Variants in LRRC7 observed in about 807,000 individuals in gnomAD.
The protein encoded by LRRC7 is leucine rich repeat containing 7.
Under a neutral mutation model 175.7 loss-of-function variants are expected in LRRC7, and 23 were observed. That is an observed-to-expected ratio of 0.13 (90% CI 0.09 to 0.19). LRRC7 has a LOEUF of 0.19. Ranked by LOEUF, LRRC7 falls within the 10% of genes least tolerant of loss-of-function variation. The probability of loss-of-function intolerance (pLI) is 1.00; values close to 1 mark genes in which losing one functional copy is unlikely to be tolerated. For missense variants in LRRC7, 1,354 were observed against 1,904.7 expected, an observed-to-expected ratio of 0.71 and a Z score of 5.38; for synonymous variants, 685 against 680.9, an observed-to-expected ratio of 1.01 and a Z score of -0.09.
At chr1:69,568,702 G>C (rs923895318) in intron 1 of LRRC7, 61 bp downstream of exon 1, 3 of 484,670 alleles carry the variant, frequency 6.2e-6, no homozygotes, top group African/African-American at 2.8e-5. Context: ...CGCGGCGACC[G>C]TAGGCGCGCG....
intron 20 of LRRC7, among the ~76,000 whole-genome samples, 193 bp downstream of exon 20, chr1:70,036,817 G>T (rs1054634091): frequency 6.6e-6 from 1 of 152,052 alleles, no homozygotes; most frequent in Non-Finnish European, 1.5e-5. Context: ...AGAGGCCATT[G>T]GTTAAGGAAG....
rs529747485 is a variant in LRRC7, at chr1:70,128,533, C to T, written c.*6646C>T. ...TCATAGCAAACTCTTGTACTTCCTC[C>T]ACAGGAAAACATTTACTGTAGCTGA... On this transcript the variant is annotated 3_prime_UTR_variant, in exon 27 of 27. Coordinates refer to ENST00000651989, the MANE Select transcript of LRRC7 (RefSeq NM_001370785.2). 104 of 152,234 alleles carry T rather than the reference C, an allele frequency of 6.8e-4. No homozygotes were observed. Among genetic ancestry groups the T allele is most frequent in the Non-Finnish European group, 1.3e-3 (88 of 68,012 alleles). 9.4% of individuals were successfully genotyped at this position (152,234 alleles called of 1,614,324 possible). A position where few individuals can be genotyped will look rare whatever the true frequency, so the allele number is the denominator to read the frequency against.
At position 69,860,159 on chromosome 1, in the gene LRRC7, T is replaced by C. The variant is rs781209043; in HGVS notation, c.647+21876T>C. ...TTAAATGTTTAAAATAGCTGAAATATATTCTTTGTTGAATTCTATTTTCCT... is the reference window on the plus strand; with the variant it reads ...TTAAATGTTTAAAATAGCTGAAATACATTCTTTGTTGAATTCTATTTTCCT... On this transcript the variant is annotated intron_variant, in intron 7 of 26. Transcript: ENST00000651989. 3.1e-4 allele frequency among the ~76,000 whole-genome samples: 47 copies of C among 152,180 alleles called. No individual in the cohort carries two copies. In the Middle Eastern group the frequency reaches 0.017, roughly 55 times the overall value.
intron 4 of LRRC7, among the ~76,000 whole-genome samples, chr1:69,807,791 C>T (rs564415231): frequency 2.6e-5 from 4 of 151,972 alleles, no homozygotes; most frequent in East Asian, 2.0e-4. Context: ...TTGCTCTTCT[C>T]GAGGAGTATC....
At chr1:69,960,630 A>G (rs1217622275) in intron 8 of LRRC7, among the ~76,000 whole-genome samples, 7 of 151,706 alleles carry the variant, frequency 4.6e-5, no homozygotes, top group African/African-American at 1.7e-4. Flanking sequence ...AGTGCTATAA[A>G]TTACCCTTTT....
intron 1 of LRRC7, among the ~76,000 whole-genome samples, chr1:69,642,663 A>T (rs1326562279): frequency 1.3e-5 from 2 of 152,074 alleles, no homozygotes; most frequent in Non-Finnish European, 2.9e-5. Context: ...AAATCATGCC[A>T]GTTAAAAAGA....
intron 3 of LRRC7, among the ~76,000 whole-genome samples, chr1:69,771,396 G>A (rs1350105626): frequency 6.6e-6 from 1 of 152,048 alleles, no homozygotes; most frequent in African/African-American, 2.4e-5. Context: ...TTAATTATGT[G>A]AGTCAATGAG....
At chr1:69,839,460 A>G (rs1469566830) in intron 7 of LRRC7, among the ~76,000 whole-genome samples, 1 of 152,108 alleles carries the variant, frequency 6.6e-6, no homozygotes, top group Admixed American at 6.6e-5. Flanking sequence ...GCCTAACCCA[A>G]GGAACCCCTC....
intron 7 of LRRC7, among the ~76,000 whole-genome samples, chr1:69,840,841 G>C (rs1389638317): frequency 4.0e-5 from 6 of 151,884 alleles, no homozygotes; most frequent in Non-Finnish European, 1.5e-5. Flanking sequence ...TTGCCAAAAG[G>C]AAAAAATGTT....
intron 7 of LRRC7, among the ~76,000 whole-genome samples, 177 bp from the exon 8 acceptor site, chr1:69,931,330 T>C (rs1647352127): frequency 6.6e-6 from 1 of 152,196 alleles, no homozygotes; most frequent in Admixed American, 6.5e-5. Flanking sequence ...TGCTGTAGCT[T>C]TTCAGCTGGC....
At chr1:69,614,126 T>C (rs1406723325) in intron 1 of LRRC7, among the ~76,000 whole-genome samples, 4 of 152,068 alleles carry the variant, frequency 2.6e-5, no homozygotes, top group Non-Finnish European at 5.9e-5. Flanking sequence ...TCATTTCATG[T>C]TCATTAAGAA....
chr1:69,817,767 G>C (rs1443866493), intron 4 of LRRC7, among the ~76,000 whole-genome samples: 1 of 152,028 alleles, frequency 6.6e-6, no homozygotes, highest in African/African-American at 2.4e-5. Flanking sequence ...GTGAATACAT[G>C]ATATCTTCTC....
At chr1:69,869,720 T>C (rs1282408058) in intron 7 of LRRC7, among the ~76,000 whole-genome samples, 2 of 152,076 alleles carry the variant, frequency 1.3e-5, no homozygotes, top group Non-Finnish European at 2.9e-5. Context: ...GGAAAGGCAC[T>C]TATCATAGAG....
intron 1 of LRRC7, among the ~76,000 whole-genome samples, chr1:69,597,318 A>T (rs376643819): frequency 6.6e-6 from 1 of 152,094 alleles, no homozygotes. Flanking sequence ...GGGTTATTCA[A>T]TTTTGCTGAA....
At chr1:69,837,891 G>A (rs899195779) in intron 6 of LRRC7, among the ~76,000 whole-genome samples, 2 of 151,262 alleles carry the variant, frequency 1.3e-5, no homozygotes, top group African/African-American at 4.8e-5. Flanking sequence ...TGTTTGAATA[G>A]TGATAATGAT....
At chr1:70,064,685 AG>A (rs2102095058) in intron 23 of LRRC7, among the ~76,000 whole-genome samples, 1 of 151,580 alleles carries the variant, frequency 6.6e-6, no homozygotes, top group South Asian at 2.1e-4. Flanking sequence ...TTTTCAAAAG[AG>A]AGAAACTCAT....
intron 13 of LRRC7, among the ~76,000 whole-genome samples, chr1:70,016,223 A>G (rs996848246): frequency 2.0e-5 from 3 of 152,314 alleles, no homozygotes; most frequent in African/African-American, 7.2e-5. Flanking sequence ...TTTAGGGGCC[A>G]GACCTTTTAA....
At chr1:69,699,765 G>T (rs572332628) in intron 2 of LRRC7, among the ~76,000 whole-genome samples, 1 of 152,162 alleles carries the variant, frequency 6.6e-6, no homozygotes, top group East Asian at 1.9e-4. Flanking sequence ...ACTTCTGATG[G>T]ACAGGAAAAC....
chr1:69,962,174 G>A (rs1334975785), intron 8 of LRRC7, among the ~76,000 whole-genome samples: 2 of 152,018 alleles, frequency 1.3e-5, no homozygotes, highest in Non-Finnish European at 2.9e-5. Flanking sequence ...CAAAGGACAC[G>A]AACAGACACT....
Sources: allele counts gnomAD v4.1 joint callset (sites outside exome capture counted in the v4.1 genomes callset), GRCh38; gene constraint gnomAD v4.1.1; transcripts MANE v1.5; gene names NCBI Gene and HGNC (gene_info 2026-07-23, HGNC 2026-07-21).